Variants in FGF1 observed in about 807,000 individuals in gnomAD.
The protein encoded by FGF1 is fibroblast growth factor 1, also known as beta-endothelial cell growth factor.
A neutral mutation model predicts 13.4 loss-of-function variants in FGF1; 9 were observed. The observed-to-expected ratio is 0.67, with a 90% CI of 0.40 to 1.17. FGF1 has a LOEUF of 1.17. Ranked by LOEUF, FGF1 falls within the 50% of genes most tolerant of loss-of-function variation. The probability of loss-of-function intolerance (pLI) is 0.01; values close to 1 mark genes in which losing one functional copy is unlikely to be tolerated. For missense variants in FGF1, 156 were observed against 192.7 expected (o/e 0.81, Z 1.13); for synonymous variants, 93 against 79.0 (o/e 1.18, Z -0.94).
intron 1 of FGF1, among the ~76,000 whole-genome samples, chr5:142,653,056 C>T (rs1767538864): frequency 6.6e-6 from 1 of 152,166 alleles, no homozygotes. Flanking sequence ...TGTTTTGAGC[C>T]CTGTGGTCGG....
chr5:142,634,294 T>G (rs557579485), intron 1 of FGF1, among the ~76,000 whole-genome samples: 1 of 152,128 alleles, frequency 6.6e-6, no homozygotes, highest in Non-Finnish European at 1.5e-5. Context: ...ACTTATTAAA[T>G]GCAGGGCTTT....
chr5:142,676,760 C>A (rs1245774759), intron 1 of FGF1, among the ~76,000 whole-genome samples: 1 of 152,156 alleles, frequency 6.6e-6, no homozygotes, highest in African/African-American at 2.4e-5. Context: ...CATCCCAGGA[C>A]CAGCCTGGGA....
chr5:142,640,653 T>C (rs533716945), intron 1 of FGF1, among the ~76,000 whole-genome samples: 4 of 152,110 alleles, frequency 2.6e-5, no homozygotes, highest in Middle Eastern at 3.4e-3. Context: ...AATTGAGGGG[T>C]AGGGCACAAG....
intron 1 of FGF1, among the ~76,000 whole-genome samples, chr5:142,652,852 A>C (rs187137500): frequency 5.9e-5 from 9 of 152,172 alleles, no homozygotes; most frequent in African/African-American, 2.2e-4. Flanking sequence ...ACATCTGCTC[A>C]CTCACTCCCT....
intron 1 of FGF1, among the ~76,000 whole-genome samples, chr5:142,632,781 G>T (rs142521705): frequency 6.6e-6 from 1 of 152,148 alleles, no homozygotes; most frequent in African/African-American, 2.4e-5. Context: ...TGTAATGGTT[G>T]CATACAGATG....
intron 1 of FGF1, among the ~76,000 whole-genome samples, chr5:142,667,869 G>C (rs10476842): frequency 0.045 from 6,785 of 152,300 alleles, 535 homozygotes; most frequent in African/African-American, 0.15. Context: ...CTAGCCTGAC[G>C]GTGACTGTCT....
upstream of FGF1, among the ~76,000 whole-genome samples, chr5:142,686,687 G>GT: frequency 6.6e-6 from 1 of 152,314 alleles, no homozygotes; most frequent in Middle Eastern, 3.4e-3. Flanking sequence ...GTGCGTGTGT[G>GT]TGTCTGTCTG....
intron 1 of FGF1, among the ~76,000 whole-genome samples, chr5:142,615,236 T>C (rs1189770112): frequency 1.3e-5 from 2 of 151,908 alleles, no homozygotes; most frequent in Non-Finnish European, 2.9e-5. Flanking sequence ...TTTTTTTTTC[T>C]CCTGAGACGG....
rs770860868 is a variant in FGF1 at position 142,600,777 on chromosome 5, C to G, written c.198G>C (p.Val66=). ...CGGTACTCTTTATATACACCTCCCCCACGCTTTCCGCACTGAGCTGCAGCT... is the reference window on the plus strand; with the variant it reads ...CGGTACTCTTTATATACACCTCCCCGACGCTTTCCGCACTGAGCTGCAGCT... The part of the protein sequence containing the change: ...HIQLQLSAES[V]GEVYIKSTET... The change falls in exon 3 of 4, where the codon GTG becomes GTC. Residue 66 remains valine, a synonymous_variant. Transcript: ENST00000337706. 1.1e-5 allele frequency: 18 copies of G among 1,613,688 alleles called. No homozygotes were observed. The highest frequency in any genetic ancestry group is 1.7e-4 in the Middle Eastern group (1 of 6,058).
Position 142,592,441 on chromosome 5 carries a change from T to C in FGF1, c.*2849A>G, listed in dbSNP as rs1754438518. Reference sequence around the variant, plus strand: ...TGTTGGCCATTGTGAATCTTTCTTATCATGCCTTCCAAGGAAACCAATACC... The same window carrying C: ...TGTTGGCCATTGTGAATCTTTCTTACCATGCCTTCCAAGGAAACCAATACC... On this transcript the variant is annotated 3_prime_UTR_variant, in exon 4 of 4. Coordinates refer to ENST00000337706, the MANE Select transcript of FGF1 (RefSeq NM_000800.5). The C allele has an allele frequency of 7.5e-6, 3 of 398,570 alleles. No individual in the cohort carries two copies. In the East Asian group the frequency reaches 1.1e-4, roughly 14 times the overall value. 24.7% of individuals were successfully genotyped at this position (398,570 alleles called of 1,614,324 possible). A position where few individuals can be genotyped will look rare whatever the true frequency, so the allele number is the denominator to read the frequency against.
intron 1 of FGF1, among the ~76,000 whole-genome samples, chr5:142,675,048 G>A (rs942179640): frequency 1.3e-5 from 2 of 152,180 alleles, no homozygotes; most frequent in Non-Finnish European, 2.9e-5. Context: ...CAGGGGCGGC[G>A]TGAGGTGGGG....
At chr5:142,661,851 A>G (rs1197635987) in intron 1 of FGF1, among the ~76,000 whole-genome samples, 1 of 152,070 alleles carries the variant, frequency 6.6e-6, no homozygotes, top group Non-Finnish European at 1.5e-5. Context: ...AAAATACAAA[A>G]AATTAGCAGG....
chr5:142,636,499 A>G (rs1053125845), intron 1 of FGF1, among the ~76,000 whole-genome samples: 5 of 152,236 alleles, frequency 3.3e-5, no homozygotes, highest in Admixed American at 1.3e-4. Flanking sequence ...AGTACCTACT[A>G]TGTGCCAGAC....
At chr5:142,671,461 A>T (rs1390247242) in intron 1 of FGF1, among the ~76,000 whole-genome samples, 2 of 152,202 alleles carry the variant, frequency 1.3e-5, no homozygotes, top group African/African-American at 2.4e-5. Flanking sequence ...CAGCTGCTAC[A>T]TAGAAAGGAA....
chr5:142,601,303 C>T (rs923348756), intron 2 of FGF1, among the ~76,000 whole-genome samples: 82 of 152,216 alleles, frequency 5.4e-4, no homozygotes, highest in African/African-American at 1.6e-3. Context: ...GATTCCTGTC[C>T]GCAGATCGTT....
chr5:142,666,045 G>A (rs554229054), intron 1 of FGF1, among the ~76,000 whole-genome samples: 339 of 152,128 alleles, frequency 2.2e-3, no homozygotes, highest in African/African-American at 7.6e-3. Context: ...GGAAAACCCA[G>A]ACTTTTGCCT....
chr5:142,645,895 T>G (rs999456937), intron 1 of FGF1, among the ~76,000 whole-genome samples: 1 of 152,132 alleles, frequency 6.6e-6, no homozygotes, highest in Non-Finnish European at 1.5e-5. Flanking sequence ...TCTCCCTTAC[T>G]TTGTTTTTTT....
chr5:142,612,496 G>T (rs1321302835), intron 2 of FGF1, among the ~76,000 whole-genome samples: 3 of 152,184 alleles, frequency 2.0e-5, no homozygotes, highest in Non-Finnish European at 4.4e-5. Flanking sequence ...ATTAAAGCTT[G>T]TTCGTGTTGT....
chr5:142,693,371 A>G (rs938850680), intron 2 of FGF1, among the ~76,000 whole-genome samples: 5 of 151,894 alleles, frequency 3.3e-5, no homozygotes, highest in African/African-American at 1.2e-4. Flanking sequence ...GCTCACTGCA[A>G]CCTCCACCTC....
Sources: gnomAD v4.1 joint callset for allele counts (sites outside exome capture counted in the v4.1 genomes callset) on GRCh38, gnomAD v4.1.1 for gene constraint, MANE v1.5 for transcripts, NCBI Gene and HGNC (gene_info 2026-07-23, HGNC 2026-07-21) for gene names.